The following PCGF1 variants were observed in gnomAD, a reference collection of about 807,000 sequenced individuals.
PCGF1 encodes polycomb group ring finger 1.
PCGF1 carries 10 observed loss-of-function variants against 38.8 expected under a neutral mutation model. The observed-to-expected ratio is 0.26, with a 90% CI of 0.16 to 0.44. The LOEUF (loss-of-function observed/expected upper bound fraction) is 0.44, where lower values mean the gene tolerates loss of function less well. Among genes scored for constraint, PCGF1 ranks in the 20% least tolerant of loss-of-function variants. PCGF1 has a pLI of 1.00. For synonymous variants in PCGF1, 119 were observed against 121.3 expected, an observed-to-expected ratio of 0.98 and a Z score of 0.12; for missense variants, 230 against 331.5, an observed-to-expected ratio of 0.69 and a Z score of 2.38.
rs1223183055 is a variant in PCGF1 at position 74,505,072 on chromosome 2, TA to T, written c.*70del. ...TTTTAAAAGTTTTTATTTCAAAAAA[TA>T]AAGCTGCAGTTCATTTCACATAAAT... is the stretch of plus-strand genomic sequence containing the variant. On this transcript the variant is annotated 3_prime_UTR_variant, in exon 9 of 9. Transcript: ENST00000233630. 7.1e-7 allele frequency: 1 copy of T among 1,406,572 alleles called. No individual in the cohort carries two copies. Among genetic ancestry groups the T allele is most frequent in the Non-Finnish European group, 9.4e-7 (1 of 1,068,414 alleles). The allele number at this position is 1,406,572 out of a possible 1,614,324, so 87.1% of individuals were successfully genotyped here.
Position 74,506,274 on chromosome 2 carries a change from GAAT to G in PCGF1, c.353-25_353-23del, listed in dbSNP as rs771723259. On this transcript the variant is annotated intron_variant, in intron 3 of 8. Transcript: ENST00000233630. ...TCACCTAGAAGAAGGTGAAGTATGA[GAAT>G]AAAGTATTAGCCCTTCGGGGCCGGG... 11 of 1,612,188 alleles carry G rather than the reference GAAT, an allele frequency of 6.8e-6. No individual in the cohort carries two copies. In the African/African-American group the frequency reaches 1.5e-4, roughly 22 times the overall value.
At chr2:74,507,548 C>A in intron 1 of PCGF1, 28 bp downstream of exon 1, 1 of 1,565,366 alleles carries the variant, frequency 6.4e-7, no homozygotes, top group Non-Finnish European at 8.6e-7. Flanking sequence ...GCTGGCCGAC[C>A]ACAGCAGTAA....
chr2:74,505,591 C>T lies in PCGF1; in HGVS notation c.612G>A (p.Arg204=). Reference sequence around the variant, plus strand: ...GCATCAAGCGGTGACACAGGACCCTCCGGAGATGGCGTACCTCAGCTCTAA... The same window carrying T: ...GCATCAAGCGGTGACACAGGACCCTTCGGAGATGGCGTACCTCAGCTCTAA... ...CSVRAEVRHL[R]RVLCHRLMLN... Residue 204 remains arginine, a synonymous_variant, in exon 7 of 9, where the codon CGG becomes CGA. Coordinates refer to ENST00000233630, the MANE Select transcript of PCGF1 (RefSeq NM_032673.3). 6.2e-7 allele frequency: 1 copy of T among 1,614,074 alleles called. No homozygotes were observed. Among genetic ancestry groups the T allele is most frequent in the South Asian group, 1.1e-5 (1 of 91,082 alleles).
Position 74,507,608 on chromosome 2 carries a change from A to T in PCGF1, c.61T>A (p.Ser21Thr). The change falls in exon 1 of 9, where the codon TCA becomes ACA. Residue 21 changes from serine (S) to threonine (T), a missense_variant. Coordinates refer to ENST00000233630, the MANE Select transcript of PCGF1 (RefSeq NM_032673.3). ...IAMRLRNQLQ[S>T]VYKMDPLRNE... is the part of the protein sequence containing the mutation. The stretch of plus-strand genomic sequence containing the variant: ...CGTAGCGGGTCCATCTTGTACACTG[A>T]CTGGAGCTGGTTCCGAAGCCTCATC... The T allele has an allele frequency of 6.3e-7, 1 of 1,588,862 alleles. No homozygotes were observed. The highest frequency in any genetic ancestry group is 8.6e-7 in the Non-Finnish European group (1 of 1,167,982).
intron 2 of PCGF1, 25 bp downstream of exon 2, chr2:74,507,017 A>C (rs1572977603): frequency 6.2e-7 from 1 of 1,608,958 alleles, no homozygotes; most frequent in Non-Finnish European, 8.5e-7. Flanking sequence ...GACTGGAAGA[A>C]CTAGGCAGTC....
intron 3 of PCGF1, 74 bp downstream of exon 3, chr2:74,506,658 C>A: frequency 1.3e-6 from 2 of 1,556,934 alleles, no homozygotes; most frequent in African/African-American, 2.7e-5. Context: ...TGAGTCCTAC[C>A]AAACCCGTCA....
intron 1 of PCGF1, 25 bp from the exon 2 acceptor site, chr2:74,507,172 A>G: frequency 6.2e-7 from 1 of 1,606,982 alleles, no homozygotes; most frequent in Non-Finnish European, 8.5e-7. Context: ...TCCGTCACCA[A>G]TCATCCACCC....
At chr2:74,506,613 T>G in intron 3 of PCGF1, 119 bp downstream of exon 3, 1 of 1,149,658 alleles carries the variant, frequency 8.7e-7, no homozygotes, top group Non-Finnish European at 1.3e-6. Flanking sequence ...TTCCTCACTT[T>G]TTGTCCTTCC....
chr2:74,506,365 C>T, intron 3 of PCGF1, 113 bp from the exon 4 acceptor site: 1 of 990,956 alleles, frequency 1.0e-6, no homozygotes, highest in Admixed American at 1.9e-5. Flanking sequence ...ATCATGAAGT[C>T]AGGAGATTGA....
chr2:74,505,396 T>A lies in PCGF1; in HGVS notation c.675A>T (p.Glu225Asp). The change falls in exon 8 of 9, where the codon GAA (glutamate) becomes GAT (aspartate). Residue 225 changes from glutamate (E) to aspartate (D), a missense_variant. Physicochemically the swap from Glu to Asp is conservative, Grantham distance 45. Around this residue, in one of 3 missense-constraint regions of PCGF1, gnomAD observed 144 missense variants for 182.4 expected, o/e 0.79. Transcript: ENST00000233630. ...TCATTGTCATGTGATCAGGGAGAACTTCATTGTCAAAAAGGAGCTGCACCT... is the reference window on the plus strand; with the variant it reads ...TCATTGTCATGTGATCAGGGAGAACATCATTGTCAAAAAGGAGCTGCACCT... ...PQHVQLLFDN[E>D]VLPDHMTMKQ... is the part of the protein sequence containing the mutation. 1 of 1,610,626 alleles carries A rather than the reference T, an allele frequency of 6.2e-7. No individual in the cohort carries two copies. Among genetic ancestry groups the A allele is most frequent in the East Asian group, 2.2e-5 (1 of 44,810 alleles).
At chr2:74,507,315 G>C in intron 1 of PCGF1, 168 bp from the exon 2 acceptor site, 1 of 1,464,274 alleles carries the variant, frequency 6.8e-7, no homozygotes, top group Admixed American at 2.4e-5. Flanking sequence ...CCGCCCAGCA[G>C]AGGGCTCCGC....
At position 74,505,128 on chromosome 2, in the gene PCGF1, G is replaced by A; in HGVS notation, c.*15C>T. The A allele has an allele frequency of 6.7e-7, 1 of 1,487,970 alleles. No individual in the cohort carries two copies. The highest frequency in any genetic ancestry group is 2.3e-5 in the East Asian group (1 of 43,120). 92.2% of individuals were successfully genotyped at this position (1,487,970 alleles called of 1,614,324 possible). On this transcript the variant is annotated 3_prime_UTR_variant, in exon 9 of 9. Transcript: ENST00000233630. ...GGGGAGGGAAGGGGAGTGGGATGGG[G>A]TGGGGGCTTGGCCCCTACCTCCTCT...
intron 1 of PCGF1, 141 bp downstream of exon 1, chr2:74,507,435 C>A (rs971048921): frequency 6.8e-7 from 1 of 1,465,020 alleles, no homozygotes; most frequent in Admixed American, 2.4e-5. Flanking sequence ...GTTTGGCAAC[C>A]CGATCGCAAC....
Position 74,506,280 on chromosome 2 carries a change from A to C in PCGF1, c.353-28T>G, listed in dbSNP as rs749396207. 3 of 1,610,828 alleles carry C rather than the reference A, an allele frequency of 1.9e-6. No individual in the cohort carries two copies. The African/African-American group carries it at 4.0e-5, about 22-fold the overall frequency. On this transcript the variant is annotated intron_variant, in intron 3 of 8. Transcript: ENST00000233630. ...AGAAGAAGGTGAAGTATGAGAATAA[A>C]GTATTAGCCCTTCGGGGCCGGGCGC...
At chr2:74,506,584 A>C (rs1326060453) in intron 3 of PCGF1, 148 bp downstream of exon 3, 10 of 895,506 alleles carry the variant, frequency 1.1e-5, no homozygotes, top group Non-Finnish European at 1.7e-5. Context: ...AAAGAAAAAA[A>C]AGAATAAAGT....
Position 74,505,157 on chromosome 2 carries a change from C to G in PCGF1, c.766G>C (p.Glu256Gln). ...GGGCTTGGCCCCTACCTCCTCTTCT[C>G]TTTCACACTGTATTGTAAAAGCAAA... The part of the protein sequence containing the change: ...SPLLLQYSVK[E>Q]KRR The change falls in exon 9 of 9, where the codon GAG becomes CAG. Residue 256 changes from glutamate to glutamine, a missense_variant. Physicochemically the swap from Glu to Gln is conservative, Grantham distance 29. Around this residue, in one of 3 missense-constraint regions of PCGF1, gnomAD observed 144 missense variants for 182.4 expected, o/e 0.79. Coordinates refer to ENST00000233630, the MANE Select transcript of PCGF1 (RefSeq NM_032673.3). 1 of 1,525,806 alleles carries G rather than the reference C, an allele frequency of 6.6e-7. No homozygotes were observed. Among genetic ancestry groups the G allele is most frequent in the Non-Finnish European group, 8.8e-7 (1 of 1,136,590 alleles). The allele number at this position is 1,525,806 out of a possible 1,614,324, so 94.5% of individuals were successfully genotyped here.
rs1465946690 is a variant in PCGF1, at chr2:74,505,143, C to G, written c.780G>C (p.Ter260TyrextTer18). ...LQYSVKEKRR[*>Y] Reference sequence around the variant, plus strand: ...GTGGGATGGGGTGGGGGCTTGGCCCCTACCTCCTCTTCTCTTTCACACTGT... The same window carrying G: ...GTGGGATGGGGTGGGGGCTTGGCCCGTACCTCCTCTTCTCTTTCACACTGT... Residue 260 changes from the stop codon to tyrosine, a stop_lost, in exon 9 of 9, where the codon TAG becomes TAC. Transcript: ENST00000233630. The G allele has an allele frequency of 6.7e-7, 1 of 1,503,496 alleles. No individual in the cohort carries two copies. Among genetic ancestry groups the G allele is most frequent in the African/African-American group, 1.4e-5 (1 of 71,768 alleles). The allele number at this position is 1,503,496 out of a possible 1,614,324, so 93.1% of individuals were successfully genotyped here.
Position 74,506,062 on chromosome 2 carries a change from G to A in PCGF1, c.425-5C>T. The A allele has an allele frequency of 6.2e-7, 1 of 1,614,160 alleles. No homozygotes were observed. Among genetic ancestry groups the A allele is most frequent in the Non-Finnish European group, 8.5e-7 (1 of 1,179,986 alleles). ...CGAGGTTGCTCAGTGCTGGCTCTGAGAAAGATAGGGTAGTGAGGTGGCTGG... is the reference window on the plus strand; with the variant it reads ...CGAGGTTGCTCAGTGCTGGCTCTGAAAAAGATAGGGTAGTGAGGTGGCTGG... On this transcript the variant is annotated splice_polypyrimidine_tract_variant and splice_region_variant and intron_variant, in intron 4 of 8. Transcript: ENST00000233630.
chr2:74,507,233 A>C, intron 1 of PCGF1, 86 bp from the exon 2 acceptor site: 1 of 1,514,942 alleles, frequency 6.6e-7, no homozygotes, highest in Non-Finnish European at 9.0e-7. Context: ...CTCCTTCATC[A>C]CACTAGACGG....
Sources: allele counts gnomAD v4.1 joint callset, GRCh38; gene constraint gnomAD v4.1.1; regional missense constraint gnomAD v4.1.1; transcripts MANE v1.5; gene names NCBI Gene and HGNC (gene_info 2026-07-23, HGNC 2026-07-21).